PLAU: variants seen among roughly 807,000 people sequenced by gnomAD.
PLAU encodes plasminogen activator, urokinase.
PLAU carries 32 observed loss-of-function variants against 48.9 expected under a neutral mutation model. That is an observed-to-expected ratio of 0.65 (90% confidence interval 0.49 to 0.88). The LOEUF (loss-of-function observed/expected upper bound fraction) is 0.88, where lower values mean the gene tolerates loss of function less well. Among genes scored for constraint, PLAU ranks in the 40% least tolerant of loss-of-function variants. The pLI is 0.00. For synonymous variants in PLAU, 199 were observed against 205.7 expected (o/e 0.97, Z 0.28); for missense variants, 455 against 545.2 (o/e 0.83, Z 1.65).
chr10:73,914,074 C>T lies in PLAU; in HGVS notation c.775C>T (p.Leu259Phe). ...GGAGATGAAGTTTGAGGTGGAAAAC[C>T]TCATCCTACACAAGGACTACAGCGC... is the stretch of plus-strand genomic sequence containing the variant. ...QGEMKFEVENLILHKDYSADT... is the reference protein window; with the variant it reads ...QGEMKFEVENFILHKDYSADT... The change falls in exon 8 of 11, where the codon CTC becomes TTC. Residue 259 changes from leucine (L) to phenylalanine (F), a missense_variant. By Grantham distance (22) the Leu-to-Phe change is conservative (BLOSUM62 0). Coordinates refer to ENST00000372764, the MANE Select transcript of PLAU (RefSeq NM_002658.6). 6.2e-7 allele frequency: 1 copy of T among 1,614,172 alleles called. No homozygotes were observed. Among genetic ancestry groups the T allele is most frequent in the Non-Finnish European group, 8.5e-7 (1 of 1,180,010 alleles).
chr10:73,909,573 G>T (rs916007975), upstream of PLAU, among the ~76,000 whole-genome samples: 1 of 152,156 alleles, frequency 6.6e-6, no homozygotes, highest in African/African-American at 2.4e-5. Context: ...CTGAGCCCTC[G>T]GCTGGGGCAG....
upstream of PLAU, chr10:73,910,350 T>C (rs1439694081): frequency 6.6e-6 from 1 of 152,228 alleles, no homozygotes; most frequent in Non-Finnish European, 1.5e-5. Context: ...CCGTTAACAC[T>C]TCAATAGGAA....
chr10:73,915,765 T>C (rs889391725), intron 10 of PLAU, among the ~76,000 whole-genome samples: 3 of 152,054 alleles, frequency 2.0e-5, no homozygotes, highest in Non-Finnish European at 2.9e-5. Context: ...TGTGACTTGA[T>C]AGGCATTTGA....
intron 1 of PLAU, 24 bp downstream of exon 1, chr10:73,911,242 C>G (rs1291156102): frequency 6.7e-6 from 3 of 448,144 alleles, no homozygotes. Context: ...TCCTGAGATC[C>G]CCGGGCCGGA....
At chr10:73,908,976 TA>T (rs201407499), upstream of PLAU, among the ~76,000 whole-genome samples, 10,125 of 142,380 alleles carry the variant, frequency 0.071, 797 homozygotes, top group African/African-American at 0.2. Context: ...ACCTTGTCTT[TA>T]AAAAAAAAAA....
At chr10:73,913,905 A>G in intron 7 of PLAU, 75 bp from the exon 8 acceptor site, 2 of 1,485,222 alleles carry the variant, frequency 1.3e-6, no homozygotes, top group Non-Finnish European at 1.9e-6. Context: ...TCGTGCTTTG[A>G]GGCCTCTAGG....
rs1349844085 is a variant in PLAU, at chr10:73,916,935, T to C, written c.*370T>C. 1 of 194,964 alleles carries C rather than the reference T, an allele frequency of 5.1e-6. No homozygotes were observed. The allele number at this position is 194,964 out of a possible 1,614,324, so 12.1% of individuals were successfully genotyped here. ...ATTTGTGAGGCCCATGGTTGAGAAA[T>C]GAATAATTTCCCAATTAGGAAGTGT... On this transcript the variant is annotated 3_prime_UTR_variant, in exon 11 of 11. Transcript: ENST00000372764.
rs2096132724 is a variant in PLAU, at chr10:73,914,771, C to G, written c.830-5C>G. On this transcript the variant is annotated splice_region_variant and splice_polypyrimidine_tract_variant and intron_variant, in intron 8 of 10. Coordinates refer to ENST00000372764, the MANE Select transcript of PLAU (RefSeq NM_002658.6). Reference sequence around the variant, plus strand: ...TTTCTCCTCTGACCCTCTGTCCTCCCCCAGCCTTGCTGAAGATCCGTTCCA... The same window carrying G: ...TTTCTCCTCTGACCCTCTGTCCTCCGCCAGCCTTGCTGAAGATCCGTTCCA... The G allele has an allele frequency of 6.2e-7, 1 of 1,613,124 alleles. No individual in the cohort carries two copies. The highest frequency in any genetic ancestry group is 8.5e-7 in the Non-Finnish European group (1 of 1,179,472).
chr10:73,913,646 C>A lies in PLAU; in HGVS notation c.568C>A (p.Gln190Lys), dbSNP rs1314534792. Residue 190 changes from glutamine to lysine, a missense_variant, in exon 7 of 11, where the codon CAG becomes AAG. Physicochemically the swap from Gln to Lys is moderately conservative, Grantham distance 53 (BLOSUM62 1). Transcript: ENST00000372764. Reference sequence around the variant, plus strand: ...GGGAGAATTCACCACCATCGAGAACCAGCCCTGGTTTGCGGCCATCTACAG... The same window carrying A: ...GGGAGAATTCACCACCATCGAGAACAAGCCCTGGTTTGCGGCCATCTACAG... ...IGGEFTTIEN[Q>K]PWFAAIYRRH... 6 of 1,613,902 alleles carry A rather than the reference C, an allele frequency of 3.7e-6. No homozygotes were observed. Among genetic ancestry groups the A allele is most frequent in the Non-Finnish European group, 5.1e-6 (6 of 1,179,938 alleles).
At position 73,913,038 on chromosome 10, in the gene PLAU, C is replaced by G; in HGVS notation, c.308C>G (p.Thr103Arg). The change falls in exon 5 of 11, where the codon ACG becomes AGG. Residue 103 changes from threonine to arginine, a missense_variant. Coordinates refer to ENST00000372764, the MANE Select transcript of PLAU (RefSeq NM_002658.6). ...PWNSATVLQQTYHAHRSDALQ... is the reference protein window; with the variant it reads ...PWNSATVLQQRYHAHRSDALQ... ...AACTCTGCCACTGTCCTTCAGCAAA[C>G]GTACCATGCCCACAGATCTGATGCT... 1 of 1,614,164 alleles carries G rather than the reference C, an allele frequency of 6.2e-7. No individual in the cohort carries two copies. The highest frequency in any genetic ancestry group is 8.5e-7 in the Non-Finnish European group (1 of 1,180,024).
chr10:73,909,169 C>T (rs561253350), upstream of PLAU: 2 of 152,240 alleles, frequency 1.3e-5, no homozygotes, highest in Admixed American at 1.3e-4. Flanking sequence ...ATGAAGTCAT[C>T]TGCTCTCAGC....
At chr10:73,911,757 C>T in intron 2 of PLAU, 145 bp downstream of exon 2, 1 of 1,552,430 alleles carries the variant, frequency 6.4e-7, no homozygotes, top group South Asian at 1.2e-5. Flanking sequence ...GACAGGGTGG[C>T]AGCGGAGGCT....
rs1591617249 is a variant in PLAU at position 73,914,177 on chromosome 10, T to C, written c.829+49T>C. The C allele has an allele frequency of 3.7e-6, 6 of 1,600,042 alleles. No homozygotes were observed. The Admixed American group carries it at 1.0e-4, about 27-fold the overall frequency. On this transcript the variant is annotated intron_variant, in intron 8 of 10. Transcript: ENST00000372764. ...TGTGGCCATAATGGCTTGGGGAGAG[T>C]GGGACCCAGGGAGAGACTGGAGCTG...
Position 73,912,022 on chromosome 10 carries a change from C to A in PLAU, c.58-19C>A. The A allele has an allele frequency of 6.2e-7, 1 of 1,613,770 alleles. No homozygotes were observed. Among genetic ancestry groups the A allele is most frequent in the East Asian group, 2.2e-5 (1 of 44,880 alleles). ...GAGCATGGGACCTTTGATGAAGCCT[C>A]CTCCCGAATCTCTTCCAGGGCAGCA... On this transcript the variant is annotated intron_variant, in intron 2 of 10. Coordinates refer to ENST00000372764, the MANE Select transcript of PLAU (RefSeq NM_002658.6).
rs753994566 is a variant in PLAU, at chr10:73,912,056, C to T, written c.73C>T (p.His25Tyr). Reference protein sequence around the residue: ...VSDSKGSNELHQVPSNCDCLN... With the variant: ...VSDSKGSNELYQVPSNCDCLN... ...TCTCTTCCAGGGCAGCAATGAACTT[C>T]ATCAAGTTCCATGTGAGTATCCACC... The change falls in exon 3 of 11, where the codon CAT becomes TAT. Residue 25 changes from histidine (H) to tyrosine (Y), a missense_variant. By Grantham distance (83) the His-to-Tyr change is moderately conservative. Coordinates refer to ENST00000372764, the MANE Select transcript of PLAU (RefSeq NM_002658.6). The T allele has an allele frequency of 6.2e-7, 1 of 1,609,248 alleles. No homozygotes were observed. The highest frequency in any genetic ancestry group is 8.5e-7 in the Non-Finnish European group (1 of 1,177,088).
In PLAU at chr10:73,916,422, C is replaced by G. The variant is rs779258185; in HGVS notation, c.1153C>G (p.Gln385Glu). The change falls in exon 11 of 11, where the codon CAA becomes GAA. Residue 385 changes from glutamine to glutamate, a missense_variant. Transcript: ENST00000372764. ...AGGGGGACCCCTCGTCTGTTCCCTCCAAGGCCGCATGACTTTGACTGGAAT... is the reference window on the plus strand; with the variant it reads ...AGGGGGACCCCTCGTCTGTTCCCTCGAAGGCCGCATGACTTTGACTGGAAT... ...DSGGPLVCSL[Q>E]GRMTLTGIVS... 1.2e-6 allele frequency: 2 copies of G among 1,613,536 alleles called. No homozygotes were observed. The highest frequency in any genetic ancestry group is 1.7e-5 in the Admixed American group (1 of 59,936).
chr10:73,916,184 A>T lies in PLAU; in HGVS notation c.1120-205A>T, dbSNP rs769866920. Among the ~76,000 whole-genome samples the T allele has an allele frequency of 2.2e-4, 33 of 152,342 alleles. No homozygotes were observed. In the Middle Eastern group the frequency reaches 0.014, roughly 63 times the overall value. The stretch of plus-strand genomic sequence containing the variant: ...GCTTGAGCACAGGAGGCAAGTTTGC[A>T]GTGAGCTGAGATCACGTCATTGCAC... On this transcript the variant is annotated intron_variant, in intron 10 of 10. Transcript: ENST00000372764.
chr10:73,913,787 TCTTC>T (rs1373602401), intron 7 of PLAU, 29 bp downstream of exon 7: 2 of 1,527,322 alleles, frequency 1.3e-6, no homozygotes, highest in Admixed American at 3.8e-5. Flanking sequence ...CCTCTTCGAC[TCTTC>T]TGCCCCACCC....
At chr10:73,912,156 C>G in intron 3 of PLAU, 59 bp from the exon 4 acceptor site, 1 of 1,613,030 alleles carries the variant, frequency 6.2e-7, no homozygotes, top group South Asian at 1.1e-5. Flanking sequence ...TGCTGCAGGG[C>G]TGCGCCACCC....
Sources: allele counts gnomAD v4.1 joint callset (sites outside exome capture counted in the v4.1 genomes callset), GRCh38; gene constraint gnomAD v4.1.1; transcripts MANE v1.5; gene names NCBI Gene and HGNC (gene_info 2026-07-23, HGNC 2026-07-21).